Variants in MACROD2 observed in about 807,000 individuals in gnomAD.
MACROD2 encodes the protein mono-ADP ribosylhydrolase 2.
A neutral mutation model predicts 70.4 loss-of-function variants in MACROD2; 36 were observed. That is an observed-to-expected ratio of 0.51 (90% CI 0.39 to 0.68). The LOEUF is 0.68. MACROD2 is among the 30% of genes least tolerant of loss of function. The probability of loss-of-function intolerance (pLI) is 0.00; values close to 1 mark genes in which losing one functional copy is unlikely to be tolerated. For missense variants in MACROD2, 496 were observed against 538.4 expected (o/e 0.92, Z 0.78); for synonymous variants, 172 against 178.8 (o/e 0.96, Z 0.30).
intron 3 of MACROD2, among the ~76,000 whole-genome samples, chr20:14,433,093 T>A (rs1328633834): frequency 6.6e-6 from 1 of 152,130 alleles, no homozygotes; most frequent in Non-Finnish European, 1.5e-5. Context: ...AGGGGAAATT[T>A]TCTATTTAGA....
chr20:14,195,779 A>G (rs1310117229), intron 3 of MACROD2, among the ~76,000 whole-genome samples: 1 of 152,152 alleles, frequency 6.6e-6, no homozygotes, highest in African/African-American at 2.4e-5. Context: ...GCTCGACTCT[A>G]GGGGAAAACC....
chr20:14,760,568 G>A (rs901438549), intron 5 of MACROD2, among the ~76,000 whole-genome samples: 4 of 152,006 alleles, frequency 2.6e-5, no homozygotes, highest in African/African-American at 9.7e-5. Flanking sequence ...ACAGAGTACT[G>A]TTTCCCCATC....
intron 5 of MACROD2, among the ~76,000 whole-genome samples, chr20:14,873,410 A>G (rs2073512267): frequency 6.6e-6 from 1 of 152,126 alleles, no homozygotes; most frequent in Non-Finnish European, 1.5e-5. Flanking sequence ...TGCTAGATGT[A>G]GCTTGATCTT....
At chr20:14,269,496 C>CA (rs900112005) in intron 3 of MACROD2, among the ~76,000 whole-genome samples, 1 of 152,028 alleles carries the variant, frequency 6.6e-6, no homozygotes, top group African/African-American at 2.4e-5. Flanking sequence ...ATAGTATTGG[C>CA]AAAATCTATC....
intron 5 of MACROD2, among the ~76,000 whole-genome samples, chr20:14,876,612 T>C (rs1261212980): frequency 6.6e-6 from 1 of 152,196 alleles, no homozygotes; most frequent in Non-Finnish European, 1.5e-5. Flanking sequence ...TACACTTAAA[T>C]CTTTAATCCA....
At chr20:14,646,511 T>C (rs886367421) in intron 4 of MACROD2, among the ~76,000 whole-genome samples, 1 of 152,080 alleles carries the variant, frequency 6.6e-6, no homozygotes, top group Non-Finnish European at 1.5e-5. Context: ...AGATAATTAG[T>C]TATATATAAA....
intron 17 of MACROD2, among the ~76,000 whole-genome samples, chr20:16,047,824 C>A (rs545122889): frequency 6.6e-6 from 1 of 152,268 alleles, no homozygotes; most frequent in Non-Finnish European, 1.5e-5. Flanking sequence ...CACAGTCTTG[C>A]ATTTTAATGC....
chr20:15,252,860 T>TC (rs2077167631), intron 6 of MACROD2, among the ~76,000 whole-genome samples: 1 of 152,140 alleles, frequency 6.6e-6, no homozygotes, highest in Admixed American at 6.5e-5. Context: ...GGATGCCACC[T>TC]ACAGAGCCAG....
intron 9 of MACROD2, among the ~76,000 whole-genome samples, chr20:15,884,759 C>A (rs1245551452): frequency 1.3e-5 from 2 of 152,042 alleles, no homozygotes; most frequent in African/African-American, 4.8e-5. Flanking sequence ...GCTGCTGTAA[C>A]AAAATATCAT....
At chr20:15,900,624 G>C (rs2147242772) in intron 10 of MACROD2, among the ~76,000 whole-genome samples, 1 of 152,312 alleles carries the variant, frequency 6.6e-6, no homozygotes. Context: ...AATCTACCAA[G>C]GCAGAGAAAC....
chr20:15,942,562 C>T (rs917665778), intron 12 of MACROD2, among the ~76,000 whole-genome samples: 4 of 151,980 alleles, frequency 2.6e-5, no homozygotes, highest in South Asian at 2.1e-4. Flanking sequence ...ACTTTAAATC[C>T]TTAAAAACAA....
chr20:15,660,305 G>C (rs544078835), intron 8 of MACROD2, among the ~76,000 whole-genome samples: 1 of 151,678 alleles, frequency 6.6e-6, no homozygotes, highest in Non-Finnish European at 1.5e-5. Context: ...AGTAATCATC[G>C]AGACTGTTTT....
rs567415953 is a variant in MACROD2, at chr20:15,233,300, A to G, written c.540+3239A>G. ...TTATCAAATTACTTTTCATGTTGAC[A>G]GGATAAATTAGAGTATGATAAAAGT... On this transcript the variant is annotated intron_variant, in intron 6 of 17. Transcript: ENST00000684519. 2.0e-5 allele frequency among the ~76,000 whole-genome samples: 3 copies of G among 152,306 alleles called. No individual in the cohort carries two copies. The East Asian group carries it at 5.8e-4, about 29-fold the overall frequency.
At chr20:15,348,765 G>T (rs1254698312) in intron 6 of MACROD2, among the ~76,000 whole-genome samples, 1 of 152,014 alleles carries the variant, frequency 6.6e-6, no homozygotes, top group African/African-American at 2.4e-5. Flanking sequence ...GCACAGGAAA[G>T]ACCTGCCCCC....
intron 3 of MACROD2, among the ~76,000 whole-genome samples, chr20:14,488,200 G>A (rs932569501): frequency 6.6e-6 from 1 of 152,124 alleles, no homozygotes; most frequent in Non-Finnish European, 1.5e-5. Flanking sequence ...TGCTGTTCAA[G>A]TGTCTTGTAT....
At chr20:14,887,359 T>G (rs2073690709) in intron 5 of MACROD2, among the ~76,000 whole-genome samples, 1 of 151,316 alleles carries the variant, frequency 6.6e-6, no homozygotes, top group South Asian at 2.1e-4. Context: ...GATAGAAAAA[T>G]ATACTAATGC....
chr20:14,793,008 C>T (rs1051035110), intron 5 of MACROD2, among the ~76,000 whole-genome samples: 1 of 151,792 alleles, frequency 6.6e-6, no homozygotes, highest in African/African-American at 2.4e-5. Flanking sequence ...TACTGAGCAC[C>T]TATTTTTACA....
intron 3 of MACROD2, among the ~76,000 whole-genome samples, chr20:14,382,914 A>G (rs924997438): frequency 2.0e-5 from 3 of 152,148 alleles, no homozygotes; most frequent in African/African-American, 7.2e-5. Context: ...GTCGTAAAAG[A>G]AAAAAATCAA....
At chr20:15,267,119 G>A (rs542363429) in intron 6 of MACROD2, among the ~76,000 whole-genome samples, 1 of 152,076 alleles carries the variant, frequency 6.6e-6, no homozygotes, top group Non-Finnish European at 1.5e-5. Context: ...AAACCTCTAC[G>A]TCCTTCACGA....
Sources: allele counts gnomAD v4.1 joint callset (sites outside exome capture counted in the v4.1 genomes callset), GRCh38; gene constraint gnomAD v4.1.1; transcripts MANE v1.5; gene names NCBI Gene and HGNC (gene_info 2026-07-23, HGNC 2026-07-21).